MAN1C1: variants seen among roughly 807,000 people sequenced by gnomAD.
MAN1C1 encodes mannosidase alpha class 1C member 1.
Under a neutral mutation model 71.5 loss-of-function variants are expected in MAN1C1, and 49 were observed. That is an observed-to-expected ratio of 0.69 (90% CI 0.54 to 0.87). The LOEUF (loss-of-function observed/expected upper bound fraction) is 0.87. Ranked by LOEUF, MAN1C1 falls within the 40% of genes least tolerant of loss-of-function variation. MAN1C1 has a pLI of 0.00. For missense variants in MAN1C1, 743 were observed against 835.0 expected, an observed-to-expected ratio of 0.89 and a Z score of 1.36; for synonymous variants, 352 against 343.7, an observed-to-expected ratio of 1.02 and a Z score of -0.27.
intron 2 of MAN1C1, among the ~76,000 whole-genome samples, chr1:25,737,355 G>A (rs141212289): frequency 6.6e-6 from 1 of 152,278 alleles, no homozygotes; most frequent in East Asian, 1.9e-4. Context: ...GGTGGAGGAA[G>A]CCATTAGTTC....
At chr1:25,624,223 C>A (rs925045413) in intron 1 of MAN1C1, among the ~76,000 whole-genome samples, 2 of 152,202 alleles carry the variant, frequency 1.3e-5, no homozygotes, top group African/African-American at 4.8e-5. Flanking sequence ...CCTCCTCACT[C>A]CCCCTTCACT....
At chr1:25,632,026 CT>C (rs1395070100) in intron 1 of MAN1C1, among the ~76,000 whole-genome samples, 1 of 152,226 alleles carries the variant, frequency 6.6e-6, no homozygotes, top group Non-Finnish European at 1.5e-5. Context: ...GATCCGCCCA[CT>C]TTGGCCTCCC....
At position 25,763,943 on chromosome 1, in the gene MAN1C1, C is replaced by G; in HGVS notation, c.1117C>G (p.Pro373Ala). The change falls in exon 7 of 12, where the codon CCA becomes GCA. Residue 373 changes from proline to alanine, a missense_variant. Transcript: ENST00000374332. ...PFGLYPNFLS[P>A]VSGNWVQHHV... ...TGGCCTCTACCCCAACTTCCTCAGCCCAGTGAGTGGGAACTGGGTGCAACG... is the reference window on the plus strand; with the variant it reads ...TGGCCTCTACCCCAACTTCCTCAGCGCAGTGAGTGGGAACTGGGTGCAACG... The G allele has an allele frequency of 6.2e-7, 1 of 1,613,886 alleles. No homozygotes were observed.
chr1:25,751,157 A>C (rs1263710808), intron 4 of MAN1C1, among the ~76,000 whole-genome samples: 2 of 119,932 alleles, frequency 1.7e-5, no homozygotes, highest in Admixed American at 9.5e-5. Flanking sequence ...CTTTCCTTCC[A>C]TCCTTCCTTC....
At chr1:25,643,783 A>G (rs1036811300) in intron 1 of MAN1C1, among the ~76,000 whole-genome samples, 9 of 152,068 alleles carry the variant, frequency 5.9e-5, no homozygotes, top group African/African-American at 2.2e-4. Context: ...CTGGGATTAC[A>G]GGCATAAGCC....
chr1:25,688,540 A>G (rs2046265166), intron 2 of MAN1C1, among the ~76,000 whole-genome samples: 2 of 152,172 alleles, frequency 1.3e-5, no homozygotes, highest in Non-Finnish European at 2.9e-5. Context: ...GAGGGATTCC[A>G]TTTTGTAAAA....
intron 2 of MAN1C1, among the ~76,000 whole-genome samples, chr1:25,739,134 C>CA (rs1476741870): frequency 6.6e-6 from 1 of 152,068 alleles, no homozygotes; most frequent in Non-Finnish European, 1.5e-5. Context: ...GACCCTGTCT[C>CA]AAAAAAATAA....
chr1:25,707,496 A>G (rs2046540430), intron 2 of MAN1C1, among the ~76,000 whole-genome samples: 1 of 152,248 alleles, frequency 6.6e-6, no homozygotes, highest in African/African-American at 2.4e-5. Flanking sequence ...GTGCAGACCA[A>G]CTGGGAAAGG....
At chr1:25,663,106 C>CAT (rs1011707945) in intron 1 of MAN1C1, among the ~76,000 whole-genome samples, 1 of 147,692 alleles carries the variant, frequency 6.8e-6, no homozygotes, top group Non-Finnish European at 1.5e-5. Context: ...AAAAATTATA[C>CAT]ATATATATAT....
intron 3 of MAN1C1, 110 bp from the exon 4 acceptor site, chr1:25,749,145 C>A: frequency 1.3e-6 from 1 of 799,284 alleles, no homozygotes; most frequent in Non-Finnish European, 1.9e-6. Context: ...CCTGGCTTAC[C>A]AGAGCCGGGG....
At position 25,749,256 on chromosome 1, in the gene MAN1C1, G is replaced by A. The variant is rs2047179374; in HGVS notation, c.755G>A (p.Ser252Asn). The A allele has an allele frequency of 6.2e-7, 1 of 1,611,346 alleles. No individual in the cohort carries two copies. Among genetic ancestry groups the A allele is most frequent in the African/African-American group, 1.3e-5 (1 of 74,906 alleles). Residue 252 changes from serine (S) to asparagine (N), a missense_variant and splice_region_variant, in exon 4 of 12, where the codon AGC becomes AAC. Physicochemically the swap from Ser to Asn is conservative, Grantham distance 46. Transcript: ENST00000374332. ...WVGESFHLNV[S>N]GEASLFEVNI... The stretch of plus-strand genomic sequence containing the variant: ...CCCCTCCTTCTTTCTGTCCTGCAGA[G>A]CGGAGAAGCATCCTTGTTTGAGGTG...
intron 7 of MAN1C1, among the ~76,000 whole-genome samples, chr1:25,767,682 T>C: frequency 3.2e-5 from 2 of 62,020 alleles, no homozygotes; most frequent in African/African-American, 7.4e-5. Context: ...CACACTCTCC[T>C]TACATACATC....
intron 1 of MAN1C1, among the ~76,000 whole-genome samples, chr1:25,683,979 G>GGGC (rs1354698214): frequency 2.0e-5 from 3 of 152,102 alleles, no homozygotes; most frequent in Non-Finnish European, 4.4e-5. Flanking sequence ...CTATGAAAAC[G>GGGC]GGCCACGTTC....
In MAN1C1 at chr1:25,738,395, G is replaced by A. The variant is rs141062258; in HGVS notation, c.638-8273G>A. Among the ~76,000 whole-genome samples the A allele has an allele frequency of 5.7e-4, 87 of 152,256 alleles. No individual in the cohort carries two copies. In the East Asian group the frequency reaches 0.012, roughly 22 times the overall value. On this transcript the variant is annotated intron_variant, in intron 2 of 11. Coordinates refer to ENST00000374332, the MANE Select transcript of MAN1C1 (RefSeq NM_020379.4). Reference sequence around the variant, plus strand: ...ATCTGGTTTTAAACAATAAACTTTGGGTAATGGGGATGTCACTTTAATTCA... The same window carrying A: ...ATCTGGTTTTAAACAATAAACTTTGAGTAATGGGGATGTCACTTTAATTCA...
chr1:25,774,441 G>A lies in MAN1C1; in HGVS notation c.1257+2669G>A, dbSNP rs2047593145. On this transcript the variant is annotated intron_variant, in intron 8 of 11. Coordinates refer to ENST00000374332, the MANE Select transcript of MAN1C1 (RefSeq NM_020379.4). The stretch of plus-strand genomic sequence containing the variant: ...GTGTCAGAGCCAGGACACAAACACG[G>A]GTCTGACTCCAGATCCATTGGGCTG... Among the ~76,000 whole-genome samples the A allele has an allele frequency of 2.6e-5, 4 of 152,166 alleles. No homozygotes were observed. In the South Asian group the frequency reaches 8.3e-4, roughly 32 times the overall value.
intron 2 of MAN1C1, among the ~76,000 whole-genome samples, chr1:25,717,141 A>G (rs942790506): frequency 6.6e-6 from 1 of 152,148 alleles, no homozygotes; most frequent in South Asian, 2.1e-4. Flanking sequence ...TTTCATGTGG[A>G]TGTATGTGTT....
chr1:25,632,744 A>C (rs1351408516), intron 1 of MAN1C1, among the ~76,000 whole-genome samples: 2 of 152,326 alleles, frequency 1.3e-5, no homozygotes, highest in East Asian at 3.9e-4. Context: ...TTGTTAACCC[A>C]AAATCACTCA....
intron 2 of MAN1C1, among the ~76,000 whole-genome samples, chr1:25,733,206 G>C (rs2982295): frequency 3.3e-5 from 5 of 152,056 alleles, no homozygotes; most frequent in African/African-American, 1.2e-4. Flanking sequence ...TCCTGCCCCC[G>C]TCCTCCTCAT....
intron 2 of MAN1C1, among the ~76,000 whole-genome samples, chr1:25,706,424 A>AG (rs1435562803): frequency 1.3e-5 from 2 of 152,106 alleles, no homozygotes; most frequent in Non-Finnish European, 2.9e-5. Flanking sequence ...GACCTGCCTT[A>AG]GGGGAGTTGT....
Sources: allele counts gnomAD v4.1 joint callset (sites outside exome capture counted in the v4.1 genomes callset), GRCh38; gene constraint gnomAD v4.1.1; transcripts MANE v1.5; gene names NCBI Gene and HGNC (gene_info 2026-07-23, HGNC 2026-07-21).